The following CSTPP1 variants were observed in gnomAD, a reference collection of about 807,000 sequenced individuals.
CSTPP1 encodes UPF0705 protein C11orf49.
At chr11:47,061,151 A>G in the CSTPP1 span, among the ~76,000 whole-genome samples, 1 of 151,140 alleles carries the variant, frequency 6.6e-6, no homozygotes, top group Admixed American at 6.6e-5. Context: ...TTGTGTTCAT[A>G]TTTATTCATT....
the CSTPP1 span, among the ~76,000 whole-genome samples, chr11:47,073,442 C>T: frequency 6.6e-6 from 1 of 152,116 alleles, no homozygotes; most frequent in African/African-American, 2.4e-5. Context: ...GCCTGTAATC[C>T]GAGCACTTTG....
chr11:47,019,189 T>C, the CSTPP1 span, among the ~76,000 whole-genome samples: 3 of 152,122 alleles, frequency 2.0e-5, no homozygotes, highest in Non-Finnish European at 2.9e-5. Context: ...TTTGTATTTT[T>C]AGTAGAGACG....
the CSTPP1 span, among the ~76,000 whole-genome samples, chr11:47,010,391 G>A: frequency 1.3e-5 from 2 of 152,174 alleles, no homozygotes; most frequent in Non-Finnish European, 2.9e-5. Context: ...ATCTGTCTCT[G>A]GCTATCTTAA....
chr11:47,065,977 T>TTTGTG, the CSTPP1 span, among the ~76,000 whole-genome samples: 1 of 146,000 alleles, frequency 6.8e-6, no homozygotes, highest in African/African-American at 2.5e-5. Context: ...GGTCTAACAG[T>TTTGTG]TGTGTGTGTG....
the CSTPP1 span, chr11:46,987,574 G>T: frequency 2.2e-5 from 7 of 325,248 alleles, no homozygotes; most frequent in Non-Finnish European, 3.4e-5. Context: ...ATTTCTGTAG[G>T]TTTCTCTTTT....
the CSTPP1 span, among the ~76,000 whole-genome samples, chr11:47,030,125 TCAAAA>T: frequency 7.2e-5 from 11 of 151,944 alleles, no homozygotes; most frequent in South Asian, 2.1e-4. Flanking sequence ...AGACCCTGCC[TCAAAA>T]CAAAACAAAA....
the CSTPP1 span, among the ~76,000 whole-genome samples, chr11:47,094,060 C>T: frequency 1.7e-4 from 26 of 152,002 alleles, no homozygotes; most frequent in African/African-American, 5.3e-4. Context: ...TAGGTCCAGC[C>T]GGTGGAAGTT....
the CSTPP1 span, among the ~76,000 whole-genome samples, chr11:47,030,435 A>G: frequency 6.6e-6 from 1 of 152,206 alleles, no homozygotes; most frequent in Non-Finnish European, 1.5e-5. Context: ...CCTCTTGCCC[A>G]TGTCTTTATT....
the CSTPP1 span, among the ~76,000 whole-genome samples, chr11:47,079,664 A>G: frequency 1.3e-5 from 2 of 152,236 alleles, no homozygotes; most frequent in Admixed American, 6.5e-5. Flanking sequence ...TTGTCTTTGC[A>G]TAGTAGAGAT....
the CSTPP1 span, among the ~76,000 whole-genome samples, chr11:47,097,128 C>T: frequency 7.3e-6 from 1 of 137,484 alleles, no homozygotes; most frequent in Non-Finnish European, 1.6e-5. Flanking sequence ...CCTGGCCAGC[C>T]GCCCCGTCCG....
the CSTPP1 span, among the ~76,000 whole-genome samples, chr11:47,034,536 G>A: frequency 6.8e-6 from 1 of 147,074 alleles, no homozygotes; most frequent in Non-Finnish European, 1.5e-5. Flanking sequence ...GGGTCTCACT[G>A]TGTTGCCCAG....
chr11:47,030,840 G>A, the CSTPP1 span, among the ~76,000 whole-genome samples: 3 of 152,176 alleles, frequency 2.0e-5, no homozygotes, highest in Non-Finnish European at 4.4e-5. Context: ...TGTTCCTGCA[G>A]AGGACATGAT....
At chr11:47,111,320 G>C in the CSTPP1 span, among the ~76,000 whole-genome samples, 1 of 152,158 alleles carries the variant, frequency 6.6e-6, no homozygotes, top group Non-Finnish European at 1.5e-5. Context: ...CCAGGAAAGG[G>C]AATGGTTTTG....
the CSTPP1 span, among the ~76,000 whole-genome samples, chr11:47,074,877 C>A: frequency 4.6e-5 from 7 of 152,252 alleles, no homozygotes; most frequent in Non-Finnish European, 8.8e-5. Context: ...TTCGTTTATT[C>A]AACAGTATTT....
the CSTPP1 span, among the ~76,000 whole-genome samples, chr11:46,977,714 T>C: frequency 1.6e-4 from 24 of 152,160 alleles, no homozygotes; most frequent in Non-Finnish European, 3.2e-4. Flanking sequence ...TTATTAGGAG[T>C]AAAAAGAATT....
the CSTPP1 span, among the ~76,000 whole-genome samples, chr11:47,122,459 T>G: frequency 6.6e-6 from 1 of 152,178 alleles, no homozygotes; most frequent in African/African-American, 2.4e-5. Flanking sequence ...CTTGACCATC[T>G]CTGTGGATGG....
chr11:47,150,526 G>C, the CSTPP1 span, among the ~76,000 whole-genome samples: 2 of 152,226 alleles, frequency 1.3e-5, no homozygotes, highest in African/African-American at 4.8e-5. Flanking sequence ...GAGAACTGCA[G>C]AAGCCAGTAG....
chr11:47,001,840 A>G, the CSTPP1 span, among the ~76,000 whole-genome samples: 1 of 152,156 alleles, frequency 6.6e-6, no homozygotes, highest in Non-Finnish European at 1.5e-5. Context: ...TCTTGTGTCC[A>G]TGGTAACAGA....
chr11:46,998,921 T>G, the CSTPP1 span, among the ~76,000 whole-genome samples: 1 of 152,000 alleles, frequency 6.6e-6, no homozygotes, highest in Non-Finnish European at 1.5e-5. Context: ...TTTGTATTTT[T>G]AGTAGAGAGG....
Sources: allele counts gnomAD v4.1 joint callset (sites outside exome capture counted in the v4.1 genomes callset), GRCh38; gene constraint gnomAD v4.1.1; transcripts MANE v1.5; gene names NCBI Gene and HGNC (gene_info 2026-07-23, HGNC 2026-07-21).